The following AKAP11 variants were observed in gnomAD, a reference collection of about 807,000 sequenced individuals.
AKAP11 encodes the protein A-kinase anchor protein 11.
A neutral mutation model predicts 146.1 loss-of-function variants in AKAP11; 36 were observed. The ratio of observed to expected loss-of-function variants is 0.25; its 90% confidence interval spans 0.19 to 0.33. The LOEUF (loss-of-function observed/expected upper bound fraction) is 0.33. Ranked by LOEUF, AKAP11 falls within the 10% of genes least tolerant of loss-of-function variation. AKAP11 has a pLI of 1.00. For missense variants in AKAP11, 2,201 were observed against 2,197.0 expected (o/e 1.00, Z -0.04); for synonymous variants, 780 against 786.5 (o/e 0.99, Z 0.14).
In AKAP11 at chr13:42,302,073, C is replaced by G. The variant is rs1035287597; in HGVS notation, c.3327C>G (p.Ser1109=). The change falls in exon 8 of 13, where the codon TCC becomes TCG. Residue 1109 remains serine (S), a synonymous_variant. Transcript: ENST00000025301. ...CTCCATCAACTCCTCTAGTACCATC[C>G]CGGGCTAGTTCTGAATGGGATATCA... ...DTPPSTPLVP[S]RASSEWDIKK... The G allele has an allele frequency of 1.2e-6, 2 of 1,614,136 alleles. No individual in the cohort carries two copies. The highest frequency in any genetic ancestry group is 2.7e-5 in the African/African-American group (2 of 75,040).
At chr13:42,293,089 A>G (rs1206572795) in intron 4 of AKAP11, among the ~76,000 whole-genome samples, 4 of 152,186 alleles carry the variant, frequency 2.6e-5, no homozygotes, top group Admixed American at 6.5e-5. Flanking sequence ...TCCATACTTC[A>G]TCATCACATT....
chr13:42,296,948 A>G, intron 5 of AKAP11, 100 bp from the exon 6 acceptor site: 1 of 963,786 alleles, frequency 1.0e-6, no homozygotes, highest in South Asian at 1.9e-5. Context: ...GAAATTCACT[A>G]GCCAGTAGAC....
chr13:42,302,546 T>G lies in AKAP11; in HGVS notation c.3800T>G (p.Val1267Gly), dbSNP rs2138610497. Reference protein sequence around the residue: ...CNFAGDLAAEVITEAEKIAKV... With the variant: ...CNFAGDLAAEGITEAEKIAKV... Reference sequence around the variant, plus strand: ...TTTGCGGGTGATCTGGCAGCAGAAGTCATTACAGAAGCTGAGAAAATAGCA... The same window carrying G: ...TTTGCGGGTGATCTGGCAGCAGAAGGCATTACAGAAGCTGAGAAAATAGCA... The change falls in exon 8 of 13, where the codon GTC (valine) becomes GGC (glycine). Residue 1267 changes from valine (V) to glycine (G), a missense_variant. Val to Gly is a moderately radical substitution (Grantham distance 109). This residue lies in a region of AKAP11 where 1,867 missense variants were observed against 1,833.5 expected (regional missense o/e 1.02). Coordinates refer to ENST00000025301, the MANE Select transcript of AKAP11 (RefSeq NM_016248.4). 6.2e-7 allele frequency: 1 copy of G among 1,614,096 alleles called. No individual in the cohort carries two copies. The highest frequency in any genetic ancestry group is 8.5e-7 in the Non-Finnish European group (1 of 1,180,016).
At chr13:42,298,453 T>G (rs1299525648) in intron 6 of AKAP11, 80 bp from the exon 7 acceptor site, 22 of 1,431,646 alleles carry the variant, frequency 1.5e-5, no homozygotes, top group Non-Finnish European at 2.1e-5. Flanking sequence ...TCTCTGAGAT[T>G]GTCTTATATC....
rs267603828 is a variant in AKAP11 at position 42,300,374 on chromosome 13, C to T, written c.1628C>T (p.Ser543Phe). The T allele has an allele frequency of 6.2e-7, 1 of 1,607,496 alleles. No individual in the cohort carries two copies. Among genetic ancestry groups the T allele is most frequent in the Non-Finnish European group, 8.5e-7 (1 of 1,178,134 alleles). Residue 543 changes from serine (S) to phenylalanine (F), a missense_variant, in exon 8 of 13, where the codon TCC (serine) becomes TTC (phenylalanine). Ser to Phe is a radical substitution (Grantham distance 155). Transcript: ENST00000025301. ...CAAAAAAATAAATCTAAAAATAAAT[C>T]CTTAATGATTAAAGATAGCATTCAA... ...LDQKNKSKNK[S>F]LMIKDSIQKF... is the part of the protein sequence containing the mutation.
At position 42,301,521 on chromosome 13, in the gene AKAP11, G is replaced by A; in HGVS notation, c.2775G>A (p.Val925=). ...TPPFSHCDQA[V]LQCSEASSNK... is the part of the protein sequence containing the mutation. The stretch of plus-strand genomic sequence containing the variant: ...CATTTTCCCACTGTGATCAGGCAGT[G>A]CTGCAATGCAGTGAAGCTAGTAGCA... The change falls in exon 8 of 13, where the codon GTG becomes GTA. Residue 925 remains valine, a synonymous_variant. Coordinates refer to ENST00000025301, the MANE Select transcript of AKAP11 (RefSeq NM_016248.4). 1 of 1,614,154 alleles carries A rather than the reference G, an allele frequency of 6.2e-7. No individual in the cohort carries two copies. The highest frequency in any genetic ancestry group is 2.2e-5 in the East Asian group (1 of 44,884).
chr13:42,297,611 A>C lies in AKAP11; in HGVS notation c.351+429A>C, dbSNP rs1440324694. 5.9e-5 allele frequency among the ~76,000 whole-genome samples: 9 copies of C among 152,090 alleles called. No homozygotes were observed. The South Asian group carries it at 1.9e-3, about 32-fold the overall frequency. On this transcript the variant is annotated intron_variant, in intron 6 of 12. Transcript: ENST00000025301. ...TAAAAAAATTCCATGTAAAGTGGAC[A>C]TCTGATGTGTTCTTTATAAATAAAA... is the stretch of plus-strand genomic sequence containing the variant.
At chr13:42,285,292 C>T (rs1959146557) in intron 1 of AKAP11, among the ~76,000 whole-genome samples, 1 of 152,186 alleles carries the variant, frequency 6.6e-6, no homozygotes, top group Admixed American at 6.5e-5. Flanking sequence ...AGTCCTCCCA[C>T]ATCAGCCTCT....
At position 42,321,908 on chromosome 13, in the gene AKAP11, A is replaced by C. The variant is rs1318032328; in HGVS notation, c.*2680A>C. 1 of 152,318 alleles carries C rather than the reference A, an allele frequency of 6.6e-6. No individual in the cohort carries two copies. The highest frequency in any genetic ancestry group is 1.5e-5 in the Non-Finnish European group (1 of 67,990). The allele number at this position is 152,318 out of a possible 1,614,324, so 9.4% of individuals were successfully genotyped here. Reference sequence around the variant, plus strand: ...AAAACCTTCAAGTGATATGTGGAAAAAAGTGAATGAGACCTCTGATAGGGG... The same window carrying C: ...AAAACCTTCAAGTGATATGTGGAAACAAGTGAATGAGACCTCTGATAGGGG... On this transcript the variant is annotated 3_prime_UTR_variant, in exon 13 of 13. Transcript: ENST00000025301.
intron 1 of AKAP11, among the ~76,000 whole-genome samples, chr13:42,274,408 G>T (rs1438111498): frequency 6.6e-6 from 1 of 152,176 alleles, no homozygotes; most frequent in African/African-American, 2.4e-5. Flanking sequence ...TCTGGGCCAG[G>T]CTTGGTGCCT....
chr13:42,276,808 T>G (rs976887223), intron 1 of AKAP11, among the ~76,000 whole-genome samples: 4 of 152,250 alleles, frequency 2.6e-5, no homozygotes, highest in Admixed American at 1.3e-4. Context: ...TTTCGGCTAC[T>G]GGCAGCTTAG....
At chr13:42,295,874 C>CAGAATGTATGA in intron 5 of AKAP11, 132 bp downstream of exon 5, 1 of 732,648 alleles carries the variant, frequency 1.4e-6, no homozygotes, top group South Asian at 1.6e-5. Context: ...GTGTATAATA[C>CAGAATGTATGA]AGAATGTATG....
At chr13:42,297,722 G>A (rs1289314191) in intron 6 of AKAP11, among the ~76,000 whole-genome samples, 1 of 151,914 alleles carries the variant, frequency 6.6e-6, no homozygotes, top group African/African-American at 2.4e-5. Context: ...TAATGCATCA[G>A]AGAAAATGCT....
At chr13:42,311,832 A>G (rs1960580268) in intron 9 of AKAP11, among the ~76,000 whole-genome samples, 1 of 152,024 alleles carries the variant, frequency 6.6e-6, no homozygotes, top group African/African-American at 2.4e-5. Context: ...CATGGGTTTT[A>G]ACAGTTTTAT....
In AKAP11 at chr13:42,301,050, G is replaced by A; in HGVS notation, c.2304G>A (p.Gln768=). 3 of 1,614,116 alleles carry A rather than the reference G, an allele frequency of 1.9e-6. No individual in the cohort carries two copies. Among genetic ancestry groups the A allele is most frequent in the Non-Finnish European group, 2.5e-6 (3 of 1,179,966 alleles). Residue 768 remains glutamine (Q), a synonymous_variant, in exon 8 of 13, where the codon CAG becomes CAA. Coordinates refer to ENST00000025301, the MANE Select transcript of AKAP11 (RefSeq NM_016248.4). ...ATAAAAAGGAATACACAGTGCAGCA[G>A]GCCTTGTTTTGTACTTCTGGAATTG... ...QEYKKEYTVQ[Q]ALFCTSGIVT...
rs748451622 is a variant in AKAP11, at chr13:42,302,761, G to C, written c.4015G>C (p.Glu1339Gln). The C allele has an allele frequency of 1.7e-5, 27 of 1,613,986 alleles. No homozygotes were observed. Among genetic ancestry groups the C allele is most frequent in the Admixed American group, 3.3e-5 (2 of 59,996 alleles). The change falls in exon 8 of 13, where the codon GAA becomes CAA. Residue 1339 changes from glutamate to glutamine, a missense_variant. Transcript: ENST00000025301. ...SGLMYKYPSC[E>Q]SVTDEYAGHL... is the part of the protein sequence containing the mutation. Reference sequence around the variant, plus strand: ...TCTGATGTATAAGTATCCCAGCTGTGAAAGTGTGACAGATGAATATGCAGG... The same window carrying C: ...TCTGATGTATAAGTATCCCAGCTGTCAAAGTGTGACAGATGAATATGCAGG...
intron 9 of AKAP11, 118 bp downstream of exon 9, chr13:42,308,727 ATG>A (rs1960409952): frequency 1.3e-6 from 1 of 777,288 alleles, no homozygotes. Context: ...TACTTTCAAA[ATG>A]TATTTTATTA....
At chr13:42,312,300 A>T (rs2138685970) in intron 9 of AKAP11, among the ~76,000 whole-genome samples, 1 of 152,346 alleles carries the variant, frequency 6.6e-6, no homozygotes, top group Admixed American at 6.5e-5. Flanking sequence ...CTGCAGTTTT[A>T]GAAAGTAGTT....
rs749308772 is a variant in AKAP11, at chr13:42,302,249, G to A, written c.3503G>A (p.Arg1168Gln). Reference sequence around the variant, plus strand: ...GAAGAGTTCATGTTGAAACTCATGCGATCTCTTTCTGAAGAAGTTGAGAGT... The same window carrying A: ...GAAGAGTTCATGTTGAAACTCATGCAATCTCTTTCTGAAGAAGTTGAGAGT... ...EKEEFMLKLM[R>Q]SLSEEVESSE... The change falls in exon 8 of 13, where the codon CGA (arginine) becomes CAA (glutamine). Residue 1168 changes from arginine (R) to glutamine (Q), a missense_variant. Arg to Gln is a conservative substitution (Grantham distance 43). Transcript: ENST00000025301. The A allele has an allele frequency of 7.4e-6, 12 of 1,614,130 alleles. No homozygotes were observed. Among genetic ancestry groups the A allele is most frequent in the South Asian group, 2.2e-5 (2 of 91,084 alleles).
Sources: allele counts gnomAD v4.1 joint callset (sites outside exome capture counted in the v4.1 genomes callset), GRCh38; gene constraint gnomAD v4.1.1; regional missense constraint gnomAD v4.1.1; transcripts MANE v1.5; gene names NCBI Gene and HGNC (gene_info 2026-07-23, HGNC 2026-07-21).